BANP: variants seen among roughly 807,000 people sequenced by gnomAD.
BANP encodes the protein BTG3 associated nuclear protein, also known as protein BANP.
A neutral mutation model predicts 68.1 loss-of-function variants in BANP; 11 were observed. The ratio of observed to expected loss-of-function variants is 0.16; its 90% CI spans 0.10 to 0.27. BANP has a LOEUF of 0.27. BANP is among the 10% of genes least tolerant of loss of function. The pLI is 1.00. For synonymous variants in BANP, 329 were observed against 303.2 expected (o/e 1.09, Z -0.88); for missense variants, 504 against 722.7 (o/e 0.70, Z 3.47).
rs576964834 is a variant in BANP at position 87,954,865 on chromosome 16, T to G, written c.-69+3350T>G. ...GCCAGTCACTCCCCTTGAGCAGGAA[T>G]TTGCAAGCCTGTTCTATTCACTCCA... On this transcript the variant is annotated intron_variant, in intron 1 of 13. Transcript: ENST00000682872. Among the ~76,000 whole-genome samples the G allele has an allele frequency of 3.3e-5, 5 of 152,354 alleles. No homozygotes were observed. In the South Asian group the frequency reaches 1.0e-3, roughly 32 times the overall value.
chr16:87,998,828 C>A (rs758599328), intron 4 of BANP, among the ~76,000 whole-genome samples: 169 of 76,918 alleles, frequency 2.2e-3, no homozygotes, highest in Middle Eastern at 0.012. Flanking sequence ...GTCTCCGTGC[C>A]CGCACGTGCG....
rs377306642 is a variant in BANP, at chr16:88,072,107, G to A, written c.1416G>A (p.Ser472=). 7.5e-6 allele frequency: 12 copies of A among 1,603,176 alleles called. No individual in the cohort carries two copies. In the Admixed American group the frequency reaches 1.0e-4, roughly 14 times the overall value. ...CACAGCTGATCGCCGTGGCCTCCTC[G>A]GACCCCGCGGCGGCGGGCGTGGATG... is the stretch of plus-strand genomic sequence containing the variant. ...QGAQLIAVAS[S]DPAAAGVDGS... Residue 472 remains serine, a synonymous_variant, in exon 13 of 14, where the codon TCG becomes TCA. Coordinates refer to ENST00000682872, the MANE Select transcript of BANP (RefSeq NM_001386991.1).
intron 6 of BANP, among the ~76,000 whole-genome samples, chr16:88,012,696 G>T (rs2073479706): frequency 6.6e-6 from 1 of 152,194 alleles, no homozygotes; most frequent in Non-Finnish European, 1.5e-5. Context: ...GGAAGTTAGG[G>T]CTTCGGTCTT....
intron 1 of BANP, among the ~76,000 whole-genome samples, chr16:87,959,719 A>C (rs1308289830): frequency 6.6e-6 from 1 of 151,170 alleles, no homozygotes; most frequent in Non-Finnish European, 1.5e-5. Context: ...CACCCTTCGG[A>C]GCGATGGGTG....
chr16:88,063,290 G>A (rs182125155), intron 11 of BANP, among the ~76,000 whole-genome samples: 3 of 152,316 alleles, frequency 2.0e-5, no homozygotes, highest in East Asian at 1.9e-4. Context: ...TCCCCTCCCC[G>A]GTGTGGATGC....
chr16:88,039,240 C>G (rs568711024), intron 11 of BANP, among the ~76,000 whole-genome samples: 172 of 151,950 alleles, frequency 1.1e-3, no homozygotes, highest in African/African-American at 3.9e-3. Flanking sequence ...TGAATTGCTG[C>G]TCTGGAAAAG....
intron 11 of BANP, among the ~76,000 whole-genome samples, chr16:88,042,466 G>T (rs1018946299): frequency 2.0e-4 from 30 of 152,178 alleles, no homozygotes; most frequent in African/African-American, 5.3e-4. Flanking sequence ...CAGCCATGAT[G>T]ACCAGTTTCC....
chr16:88,025,700 T>C (rs560854653), intron 7 of BANP, among the ~76,000 whole-genome samples: 1 of 152,236 alleles, frequency 6.6e-6, no homozygotes, highest in East Asian at 1.9e-4. Flanking sequence ...TGATACCTAA[T>C]CGAGTACTTA....
At chr16:88,021,549 G>A (rs945530099) in intron 7 of BANP, among the ~76,000 whole-genome samples, 4 of 152,224 alleles carry the variant, frequency 2.6e-5, no homozygotes, top group Non-Finnish European at 4.4e-5. Flanking sequence ...CAGGCTAGGC[G>A]TGCCTGCGTG....
At chr16:87,982,058 G>C (rs1337776202) in intron 3 of BANP, among the ~76,000 whole-genome samples, 1 of 152,216 alleles carries the variant, frequency 6.6e-6, no homozygotes, top group East Asian at 1.9e-4. Context: ...AAATGTGTAC[G>C]AAAAACTTAC....
intron 9 of BANP, among the ~76,000 whole-genome samples, 172 bp downstream of exon 9, chr16:88,033,417 C>T (rs907176956): frequency 2.0e-5 from 3 of 152,158 alleles, no homozygotes; most frequent in Non-Finnish European, 4.4e-5. Flanking sequence ...GAGCTCTTAA[C>T]ATTTCACAGG....
chr16:88,048,861 C>T (rs2082611244), intron 11 of BANP, among the ~76,000 whole-genome samples: 1 of 152,168 alleles, frequency 6.6e-6, no homozygotes, highest in African/African-American at 2.4e-5. Context: ...CGAATTGGCG[C>T]TCACCACAGA....
At chr16:88,073,997 G>C (rs1347625384) in intron 13 of BANP, among the ~76,000 whole-genome samples, 4 of 152,226 alleles carry the variant, frequency 2.6e-5, no homozygotes, top group African/African-American at 4.8e-5. Flanking sequence ...GGTTGGACTT[G>C]GTGGTGAGCG....
rs1357516214 is a variant in BANP at position 88,029,781 on chromosome 16, A to G, written c.1063+2131A>G. On this transcript the variant is annotated intron_variant, in intron 8 of 13. Transcript: ENST00000682872. ...GGACCGTGATCCTGAGAGAAGGAACATGAGAGGAGGGGACAGGGAGATACC... is the reference window on the plus strand; with the variant it reads ...GGACCGTGATCCTGAGAGAAGGAACGTGAGAGGAGGGGACAGGGAGATACC... Among the ~76,000 whole-genome samples, 6 of 152,244 alleles carry G rather than the reference A, an allele frequency of 3.9e-5. 1 individual carries two copies. Among genetic ancestry groups the G allele is most frequent in the Middle Eastern group, 6.3e-3 (2 of 316 alleles).
intron 11 of BANP, among the ~76,000 whole-genome samples, chr16:88,056,347 C>A (rs747387618): frequency 6.6e-6 from 1 of 152,162 alleles, no homozygotes; most frequent in African/African-American, 2.4e-5. Context: ...TCATTTTTGT[C>A]CCATTGAATT....
intron 4 of BANP, among the ~76,000 whole-genome samples, chr16:87,992,853 A>C (rs1161477352): frequency 6.6e-6 from 1 of 151,770 alleles, no homozygotes; most frequent in African/African-American, 2.4e-5. Flanking sequence ...GTGTCTCTCA[A>C]GATTATTTTC....
At position 87,957,134 on chromosome 16, in the gene BANP, G is replaced by C. The variant is rs972963813; in HGVS notation, c.-69+5619G>C. On this transcript the variant is annotated intron_variant, in intron 1 of 13. Transcript: ENST00000682872. The surrounding 1 kb of genome is among the most constrained non-coding windows in gnomAD (Gnocchi z 4.3). ...CCGTCCAATTTGATTAAACATTCTG[G>C]ATCGTCAGCGTTCACGGTGGAGCAG... The C allele has an allele frequency of 6.6e-6, 1 of 152,196 alleles. No individual in the cohort carries two copies. Among genetic ancestry groups the C allele is most frequent in the Non-Finnish European group, 1.5e-5 (1 of 68,054 alleles). The allele number at this position is 152,196 out of a possible 1,614,324, so 9.4% of individuals were successfully genotyped here.
intron 11 of BANP, among the ~76,000 whole-genome samples, chr16:88,054,598 C>A (rs974709437): frequency 2.6e-5 from 4 of 152,236 alleles, no homozygotes; most frequent in Admixed American, 6.5e-5. Flanking sequence ...AGCACCAGCA[C>A]CAGCACCAGC....
At position 88,019,517 on chromosome 16, in the gene BANP, AG is replaced by A. The variant is rs1297819509; in HGVS notation, c.895+851del. Among the ~76,000 whole-genome samples the A allele has an allele frequency of 2.8e-5, 4 of 140,540 alleles. No homozygotes were observed. The East Asian group carries it at 6.6e-4, about 23-fold the overall frequency. The allele number at this position is 140,540 out of a possible 152,430, so 92.2% of individuals were successfully genotyped here. ...ACAGGGCGAGCGAGGCAGAGCATTC[AG>A]CGTCCAGGATCTCAGCATGCCGGGG... is the stretch of plus-strand genomic sequence containing the variant. On this transcript the variant is annotated intron_variant, in intron 7 of 13. Transcript: ENST00000682872.
Sources: gnomAD v4.1 joint callset for allele counts (sites outside exome capture counted in the v4.1 genomes callset) on GRCh38, gnomAD v4.1.1 for gene constraint, Gnocchi (gnomAD v3.1) non-coding constraint, MANE v1.5 for transcripts, NCBI Gene and HGNC (gene_info 2026-07-23, HGNC 2026-07-21) for gene names.